Variants in DMD observed in about 807,000 individuals in gnomAD.
DMD encodes dystrophin, also known as mutant dystrophin.
In DMD, 63 loss-of-function variants were observed where a neutral mutation model predicts 330.1. The observed-to-expected ratio is 0.19, with a 90% confidence interval of 0.16 to 0.24. The LOEUF is 0.24. DMD is among the 10% of genes least tolerant of loss of function. The probability of loss-of-function intolerance (pLI) is 1.00; values close to 1 mark genes in which losing one functional copy is unlikely to be tolerated. For missense variants in DMD, 3,344 were observed against 2,684.1 expected (o/e 1.25, Z -5.43); for synonymous variants, 1,223 against 959.8 (o/e 1.27, Z -5.07).
chrX:32,297,260 TTTATTTATTTA>T (rs1557267387), intron 42 of DMD, among the ~76,000 whole-genome samples: 32 of 90,948 alleles, frequency 3.5e-4, no homozygotes, highest in South Asian at 1.4e-3. Context: ...TATTTATTTA[TTTATTTATTTA>T]TTATTTATTT....
rs981710858 is a variant in DMD at position 32,969,351 on chromosome X, ATATG to A, written c.93+50784_93+50787del. Reference sequence around the variant, plus strand: ...ACGTGCTACCACATACATAGATAAAATATGTATGTATTTTATACATACATATATG... The same window carrying A: ...ACGTGCTACCACATACATAGATAAAATATGTATTTTATACATACATATATG... On this transcript the variant is annotated intron_variant, in intron 2 of 78. Coordinates refer to ENST00000357033, the MANE Select transcript of DMD (RefSeq NM_004006.3). 6.4e-5 allele frequency among the ~76,000 whole-genome samples: 6 copies of A among 93,457 alleles called. 1 individual carries two copies. The highest frequency in any genetic ancestry group is 9.7e-5 in the African/African-American group (2 of 20,644). The allele number at this position is 93,457 out of a possible 115,157, so 81.2% of individuals were successfully genotyped here. A position where few individuals can be genotyped will look rare whatever the true frequency, so the allele number is the denominator to read the frequency against.
intron 13 of DMD, among the ~76,000 whole-genome samples, chrX:32,585,652 A>T (rs367682441): frequency 1.1e-5 from 1 of 89,119 alleles, no homozygotes; most frequent in South Asian, 7.1e-4. Flanking sequence ...GTGAGCCGAG[A>T]TCGCGCCACT....
chrX:32,868,920 G>T lies in DMD; in HGVS notation c.94-19100C>A, dbSNP rs534691617. ...GCAGCCAGAGTGCTTCCTTAAGTGG[G>T]TCCTGGATCCCGTGCACCCTGACTG... On this transcript the variant is annotated intron_variant, in intron 2 of 78. Coordinates refer to ENST00000357033, the MANE Select transcript of DMD (RefSeq NM_004006.3). Among the ~76,000 whole-genome samples, 3 of 111,906 alleles carry T rather than the reference G, an allele frequency of 2.7e-5. No homozygotes were observed. The South Asian group carries it at 1.1e-3, about 42-fold the overall frequency.
chrX:31,155,630 GAC>G (rs2038025854), intron 74 of DMD, among the ~76,000 whole-genome samples: 1 of 111,435 alleles, frequency 9.0e-6, no homozygotes, highest in Non-Finnish European at 1.9e-5. Context: ...TTAAATGAAA[GAC>G]AAATTCTGCA....
intron 11 of DMD, among the ~76,000 whole-genome samples, chrX:32,635,043 C>T (rs1281779169): frequency 1.8e-5 from 2 of 111,941 alleles, no homozygotes; most frequent in Non-Finnish European, 3.8e-5. Flanking sequence ...TGATTCTTCC[C>T]TGTCTAGGGT....
At chrX:32,823,616 G>A (rs1182667612) in intron 4 of DMD, among the ~76,000 whole-genome samples, 2 of 111,609 alleles carry the variant, frequency 1.8e-5, no homozygotes, top group African/African-American at 6.5e-5. Context: ...ATAGATTACT[G>A]CAGATTAAAG....
At chrX:33,227,921 T>C (rs759896051) in intron 1 of DMD, among the ~76,000 whole-genome samples, 5 of 111,280 alleles carry the variant, frequency 4.5e-5, no homozygotes, top group African/African-American at 1.6e-4. Flanking sequence ...AAATATTTGA[T>C]TCGAATTTAA....
At chrX:32,585,699 C>CAAAAAAAA (rs61394183) in intron 13 of DMD, among the ~76,000 whole-genome samples, 340 of 31,955 alleles carry the variant, frequency 0.011, 27 homozygotes, top group Non-Finnish European at 0.015. Flanking sequence ...GACTCCGTCT[C>CAAAAAAAA]AAAAAAAAAA....
At chrX:33,184,169 G>C (rs917469893) in intron 1 of DMD, among the ~76,000 whole-genome samples, 1 of 111,958 alleles carries the variant, frequency 8.9e-6, no homozygotes, top group African/African-American at 3.2e-5. Context: ...ATCTCACTAG[G>C]TGTTGCATGA....
chrX:31,909,177 A>G (rs777043856), intron 47 of DMD, among the ~76,000 whole-genome samples: 15 of 112,222 alleles, frequency 1.3e-4, no homozygotes, highest in Non-Finnish European at 2.3e-4. Flanking sequence ...TTATCAGTCA[A>G]TCATCTTTCA....
intron 9 of DMD, among the ~76,000 whole-genome samples, chrX:32,665,025 T>C (rs748303998): frequency 8.9e-6 from 1 of 112,105 alleles, no homozygotes; most frequent in Admixed American, 9.5e-5. Context: ...TAAATGCATG[T>C]CTCAAATCCT....
At chrX:32,310,317 T>C (rs1262604801) in intron 41 of DMD, 41 bp from the exon 42 acceptor site, 1 of 1,083,839 alleles carries the variant, frequency 9.2e-7, no homozygotes, top group South Asian at 1.9e-5. Flanking sequence ...TTTAGCTTCC[T>C]AACAGTGAAA....
intron 47 of DMD, among the ~76,000 whole-genome samples, chrX:31,886,803 CA>C (rs1252291323): frequency 3.6e-5 from 4 of 111,245 alleles, no homozygotes; most frequent in South Asian, 3.7e-4. Context: ...GCACTTAGAC[CA>C]GAGATTTTAC....
intron 44 of DMD, among the ~76,000 whole-genome samples, chrX:32,065,806 T>C (rs2096255987): frequency 8.9e-6 from 1 of 112,061 alleles, no homozygotes. Flanking sequence ...TTAAATATTT[T>C]AATCTTGAAT....
chrX:32,284,601 T>A (rs993209892), intron 43 of DMD, among the ~76,000 whole-genome samples: 8 of 111,873 alleles, frequency 7.2e-5, no homozygotes, highest in African/African-American at 2.6e-4. Context: ...TGTCAGATAA[T>A]CCTCATAACA....
chrX:32,887,745 CAAAAAAAAAAAAAAAAAAAA>C (rs771100080), intron 2 of DMD, among the ~76,000 whole-genome samples: 1 of 6,488 alleles, frequency 1.5e-4, no homozygotes, highest in Non-Finnish European at 3.1e-4. Context: ...AAGACTGTCT[CAAAAAAAAAAAAAAAAAAAA>C]AAAAAAAAAA....
intron 44 of DMD, among the ~76,000 whole-genome samples, chrX:32,006,569 A>T (rs2095662878): frequency 8.9e-6 from 1 of 111,775 alleles, no homozygotes; most frequent in South Asian, 3.7e-4. Context: ...ACACTAATTT[A>T]TCAGAAGCCT....
intron 17 of DMD, among the ~76,000 whole-genome samples, chrX:32,541,377 A>G (rs2048465368): frequency 1.8e-5 from 2 of 111,588 alleles, no homozygotes; most frequent in Non-Finnish European, 3.8e-5. Context: ...GGTCTCCACC[A>G]CCAAATAAGA....
intron 7 of DMD, among the ~76,000 whole-genome samples, chrX:32,701,279 T>C (rs192441466): frequency 9.8e-5 from 11 of 112,271 alleles, no homozygotes; most frequent in Non-Finnish European, 2.1e-4. Context: ...TCAAATGATA[T>C]TAGACATTTC....
Sources: gnomAD v4.1 joint callset for allele counts (sites outside exome capture counted in the v4.1 genomes callset) on GRCh38, gnomAD v4.1.1 for gene constraint, MANE v1.5 for transcripts, NCBI Gene and HGNC (gene_info 2026-07-23, HGNC 2026-07-21) for gene names.